Variants in TPD52 observed in about 807,000 individuals in gnomAD.
The protein encoded by TPD52 is tumor protein D52.
TPD52 carries 17 observed loss-of-function variants against 31.3 expected under a neutral mutation model. The ratio of observed to expected loss-of-function variants is 0.54; its 90% CI spans 0.37 to 0.82. The LOEUF (loss-of-function observed/expected upper bound fraction) is 0.82. Among genes scored for constraint, TPD52 ranks in the 40% least tolerant of loss-of-function variants. The pLI, the probability that TPD52 is intolerant of heterozygous loss-of-function variation, is 0.00. For synonymous variants in TPD52, 83 were observed against 89.6 expected (o/e 0.93, Z 0.42); for missense variants, 212 against 240.1 (o/e 0.88, Z 0.77).
intron 1 of TPD52, among the ~76,000 whole-genome samples, chr8:80,108,079 C>G (rs1227143840): frequency 6.6e-6 from 1 of 152,152 alleles, no homozygotes; most frequent in Non-Finnish European, 1.5e-5. Flanking sequence ...TGGATGATAG[C>G]TGAATTTCTT....
chr8:80,152,795 AAAAT>A (rs1278301939), intron 1 of TPD52, among the ~76,000 whole-genome samples: 2 of 150,974 alleles, frequency 1.3e-5, no homozygotes, highest in African/African-American at 4.9e-5. Flanking sequence ...AAAAAAAAAA[AAAAT>A]GCCAGGCACA....
chr8:80,145,329 A>G (rs1280594823), intron 1 of TPD52, among the ~76,000 whole-genome samples: 1 of 152,234 alleles, frequency 6.6e-6, no homozygotes, highest in Non-Finnish European at 1.5e-5. Flanking sequence ...TGATGAATCT[A>G]TGTGAAGATT....
chr8:80,094,653 T>C (rs1816592373), intron 1 of TPD52, among the ~76,000 whole-genome samples: 1 of 150,854 alleles, frequency 6.6e-6, no homozygotes, highest in Non-Finnish European at 1.5e-5. Flanking sequence ...AAACAGATAG[T>C]GGTGATGGTT....
In TPD52 at chr8:80,053,352, C is replaced by G; in HGVS notation, c.214G>C (p.Gly72Arg). The change falls in exon 3 of 8, where the codon GGA (glycine) becomes CGA (arginine). Residue 72 changes from glycine (G) to arginine (R), a missense_variant. By Grantham distance (125) the Gly-to-Arg change is moderately radical (BLOSUM62 -2). Coordinates refer to ENST00000518937, the MANE Select transcript of TPD52 (RefSeq NM_001025253.3). ...KHLAEIKRKL[G>R]INSLQELKQN... ...TTTAGTTCCTGTAGAGAATTGATTCCAAGTTTCCGCTTGATCTCTGCTAGA... is the reference window on the plus strand; with the variant it reads ...TTTAGTTCCTGTAGAGAATTGATTCGAAGTTTCCGCTTGATCTCTGCTAGA... 1 of 1,613,748 alleles carries G rather than the reference C, an allele frequency of 6.2e-7. No homozygotes were observed.
intron 1 of TPD52, among the ~76,000 whole-genome samples, chr8:80,159,878 T>C (rs1174123881): frequency 6.6e-6 from 1 of 152,242 alleles, no homozygotes; most frequent in African/African-American, 2.4e-5. Flanking sequence ...GAGATGTTCC[T>C]AGCCCTATAA....
chr8:80,115,885 A>G (rs1388231511), intron 1 of TPD52, among the ~76,000 whole-genome samples: 1 of 152,248 alleles, frequency 6.6e-6, no homozygotes, highest in African/African-American at 2.4e-5. Flanking sequence ...AAAAGAAACT[A>G]TAAACAAGGA....
intron 1 of TPD52, among the ~76,000 whole-genome samples, chr8:80,114,300 C>A (rs1473281978): frequency 6.6e-6 from 1 of 152,060 alleles, no homozygotes; most frequent in Non-Finnish European, 1.5e-5. Flanking sequence ...TACACCCATT[C>A]CCCACTACCC....
intron 1 of TPD52, among the ~76,000 whole-genome samples, chr8:80,069,475 CAACAAA>C (rs1813524661): frequency 6.6e-6 from 1 of 151,156 alleles, no homozygotes; most frequent in African/African-American, 2.4e-5. Flanking sequence ...AAAACAACAA[CAACAAA>C]AATTTTAATA....
At chr8:80,094,768 A>C (rs928221257) in intron 1 of TPD52, among the ~76,000 whole-genome samples, 2 of 152,026 alleles carry the variant, frequency 1.3e-5, no homozygotes, top group Non-Finnish European at 1.5e-5. Context: ...AATTTAAAAA[A>C]AAAATGATCA....
intron 1 of TPD52, chr8:80,066,953 CA>C (rs1160987000): frequency 7.2e-5 from 11 of 152,192 alleles, no homozygotes; most frequent in Non-Finnish European, 1.6e-4. Context: ...TCTCCAACTA[CA>C]ACAGATCTCC....
Position 80,036,108 on chromosome 8 carries a change from C to T in TPD52, c.*2008G>A, listed in dbSNP as rs1190159484. The T allele has an allele frequency of 6.6e-6, 1 of 152,088 alleles. No individual in the cohort carries two copies. Among genetic ancestry groups the T allele is most frequent in the Non-Finnish European group, 1.5e-5 (1 of 68,024 alleles). The allele number at this position is 152,088 out of a possible 1,614,324, so 9.4% of individuals were successfully genotyped here. A position where few individuals can be genotyped will look rare whatever the true frequency, so the allele number is the denominator to read the frequency against. On this transcript the variant is annotated 3_prime_UTR_variant, in exon 8 of 8. Coordinates refer to ENST00000518937, the MANE Select transcript of TPD52 (RefSeq NM_001025253.3). Reference sequence around the variant, plus strand: ...TCTCCATTATTTTCTTTCACAGCCACCCCCAATACCCACCTTCATCCACTC... The same window carrying T: ...TCTCCATTATTTTCTTTCACAGCCATCCCCAATACCCACCTTCATCCACTC...
chr8:80,034,910 C>T lies in TPD52; in HGVS notation c.*3206G>A, dbSNP rs1332582976. 1 of 152,134 alleles carries T rather than the reference C, an allele frequency of 6.6e-6. No individual in the cohort carries two copies. Among genetic ancestry groups the T allele is most frequent in the Non-Finnish European group, 1.5e-5 (1 of 68,028 alleles). 9.4% of individuals were successfully genotyped at this position (152,134 alleles called of 1,614,324 possible). ...CATTTATTTGAGTACAAAATCCTGG[C>T]AGGCAAAAGCACTTGCAGACCCGAC... On this transcript the variant is annotated 3_prime_UTR_variant, in exon 8 of 8. Transcript: ENST00000518937.
intron 1 of TPD52, among the ~76,000 whole-genome samples, chr8:80,076,430 A>C: frequency 6.6e-6 from 1 of 152,156 alleles, no homozygotes; most frequent in African/African-American, 2.4e-5. Flanking sequence ...GCACCTTGTC[A>C]CTTATAAGTG....
intron 7 of TPD52, chr8:80,042,260 TTTCTTGTGCTTCCTATA>T: frequency 1.0e-6 from 1 of 985,466 alleles, no homozygotes. Flanking sequence ...TTTTGTTTTC[TTTCTTGTGCTTCCTATA>T]TTCTTGTTAA....
intron 1 of TPD52, among the ~76,000 whole-genome samples, chr8:80,104,661 A>ATT (rs144170850): frequency 0.07 from 10,011 of 142,602 alleles, 1,098 homozygotes; most frequent in African/African-American, 0.23. Flanking sequence ...GAGTCTGCTG[A>ATT]TTTTTTTTTT....
chr8:80,095,007 A>C (rs1816625098), intron 1 of TPD52, among the ~76,000 whole-genome samples: 2 of 152,138 alleles, frequency 1.3e-5, no homozygotes, highest in Admixed American at 1.3e-4. Flanking sequence ...CAGATCCTTC[A>C]ATTGCACTCC....
chr8:80,139,788 C>T (rs998582843), intron 1 of TPD52, among the ~76,000 whole-genome samples: 16 of 152,088 alleles, frequency 1.1e-4, no homozygotes, highest in Admixed American at 5.9e-4. Flanking sequence ...TAAAATACAA[C>T]GGCGTTTTTC....
chr8:80,162,059 T>C (rs1331316064), intron 1 of TPD52, among the ~76,000 whole-genome samples: 1 of 152,110 alleles, frequency 6.6e-6, no homozygotes, highest in African/African-American at 2.4e-5. Flanking sequence ...ACATTTACAT[T>C]TGTATAGCTG....
intron 1 of TPD52, among the ~76,000 whole-genome samples, chr8:80,141,194 C>A (rs749031925): frequency 1.1e-4 from 16 of 152,128 alleles, no homozygotes; most frequent in Admixed American, 2.6e-4. Context: ...CCTCACCTCC[C>A]AGACATCACT....
Sources: allele counts gnomAD v4.1 joint callset (sites outside exome capture counted in the v4.1 genomes callset), GRCh38; gene constraint gnomAD v4.1.1; transcripts MANE v1.5; gene names NCBI Gene and HGNC (gene_info 2026-07-23, HGNC 2026-07-21).